HSPA12A: variants seen among roughly 807,000 people sequenced by gnomAD.
HSPA12A encodes the protein heat shock protein family A (Hsp70) member 12A, also known as heat shock 70 kDa protein 12A.
A neutral mutation model predicts 69.2 loss-of-function variants in HSPA12A; 28 were observed. That is an observed-to-expected ratio of 0.40 (90% CI 0.30 to 0.55). The LOEUF is 0.55. Among genes scored for constraint, HSPA12A ranks in the 20% least tolerant of loss-of-function variants. HSPA12A has a pLI of 0.38. For synonymous variants in HSPA12A, 345 were observed against 370.5 expected, an observed-to-expected ratio of 0.93 and a Z score of 0.79; for missense variants, 686 against 900.7, an observed-to-expected ratio of 0.76 and a Z score of 3.05.
rs1040437647 is a variant in HSPA12A, at chr10:116,710,272, G to A, written c.41-2987C>T. ...GCCATGTGTCCACATTTGCACAGAC[G>A]GTCCTGAAAGAAACCAAATGTCTAA... On this transcript the variant is annotated intron_variant, in intron 1 of 11. Coordinates refer to ENST00000369209, the MANE Select transcript of HSPA12A (RefSeq NM_025015.3). This position sits in a 1 kb window ranked among gnomAD's most constrained non-coding sequence, Gnocchi z 4.1. Among the ~76,000 whole-genome samples the A allele has an allele frequency of 1.3e-5, 2 of 152,202 alleles. No individual in the cohort carries two copies. Among genetic ancestry groups the A allele is most frequent in the Non-Finnish European group, 2.9e-5 (2 of 68,030 alleles).
intron 2 of HSPA12A, among the ~76,000 whole-genome samples, chr10:116,788,775 A>AT (rs1263414402): frequency 1.3e-5 from 2 of 152,224 alleles, no homozygotes; most frequent in Admixed American, 1.3e-4. Flanking sequence ...ATACCCACAG[A>AT]TAAACTCACA....
intron 3 of HSPA12A, 24 bp downstream of exon 3, chr10:116,705,127 G>A: frequency 6.8e-6 from 11 of 1,613,152 alleles, no homozygotes; most frequent in Non-Finnish European, 9.3e-6. Context: ...CCAGCCACGT[G>A]GCCCTCCCAC....
intron 1 of HSPA12A, among the ~76,000 whole-genome samples, chr10:116,838,009 T>C (rs1364149812): frequency 6.6e-6 from 1 of 152,046 alleles, no homozygotes; most frequent in Non-Finnish European, 1.5e-5. Flanking sequence ...CTAAATAAAA[T>C]ATGAAACTAA....
At chr10:116,773,493 G>C (rs781818641) in intron 2 of HSPA12A, among the ~76,000 whole-genome samples, 1 of 152,206 alleles carries the variant, frequency 6.6e-6, no homozygotes, top group African/African-American at 2.4e-5. Flanking sequence ...AGCGGGTTTC[G>C]AGAAGGTAAC....
Position 116,675,293 on chromosome 10 carries a change from T to A in HSPA12A, c.1516A>T (p.Ile506Phe), listed in dbSNP as rs1379154810. ...AAFGDQCRII[I>F]PQDVGLTILK... ...ATGGTGAGGCCCACGTCCTGGGGGA[T>A]GATGATCCGGCACTGGTCCCCAAAA... is the stretch of plus-strand genomic sequence containing the variant. The change falls in exon 12 of 12, where the codon ATC becomes TTC. Residue 506 changes from isoleucine (I) to phenylalanine (F), a missense_variant. Physicochemically the swap from Ile to Phe is conservative, Grantham distance 21. Coordinates refer to ENST00000369209, the MANE Select transcript of HSPA12A (RefSeq NM_025015.3). The surrounding 1 kb of genome is among the most constrained non-coding windows in gnomAD (Gnocchi z 5.2). 1.9e-6 allele frequency: 3 copies of A among 1,613,264 alleles called. No individual in the cohort carries two copies. Among genetic ancestry groups the A allele is most frequent in the Non-Finnish European group, 2.5e-6 (3 of 1,180,024 alleles).
intron 2 of HSPA12A, among the ~76,000 whole-genome samples, chr10:116,822,060 T>G (rs1845416439): frequency 6.6e-6 from 1 of 152,258 alleles, no homozygotes; most frequent in Non-Finnish European, 1.5e-5. Flanking sequence ...TACATCACTT[T>G]GTATAGAGCA....
At position 116,705,052 on chromosome 10, in the gene HSPA12A, G is replaced by T. The variant is rs533382967; in HGVS notation, c.254+99C>A. On this transcript the variant is annotated intron_variant, in intron 3 of 11. Coordinates refer to ENST00000369209, the MANE Select transcript of HSPA12A (RefSeq NM_025015.3). ...GAGCCAAGCTGGAACAGAATCCAGG[G>T]CCGTCTTCGTAAGTGCCAATCACTG... 9.2e-6 allele frequency: 13 copies of T among 1,420,460 alleles called. No individual in the cohort carries two copies. The African/African-American group carries it at 1.7e-4, about 18-fold the overall frequency. The allele number at this position is 1,420,460 out of a possible 1,614,324, so 88.0% of individuals were successfully genotyped here. A position where few individuals can be genotyped will look rare whatever the true frequency, so the allele number is the denominator to read the frequency against.
intron 1 of HSPA12A, among the ~76,000 whole-genome samples, chr10:116,846,148 C>T (rs1216149028): frequency 6.6e-6 from 1 of 152,090 alleles, no homozygotes; most frequent in East Asian, 1.9e-4. Context: ...CAGAAGCTGA[C>T]TGGGATGGTA....
chr10:116,727,752 G>GTTTTTTTTTTTTTTTTTTTGTTTTT (rs71859215), intron 1 of HSPA12A, among the ~76,000 whole-genome samples: 1 of 131,382 alleles, frequency 7.6e-6, no homozygotes, highest in Non-Finnish European at 1.6e-5. Context: ...ATGTAAGTGG[G>GTTTTTTTTTTTTTTTTTTTGTTTTT]TTTTTTTTTT....
upstream of HSPA12A, among the ~76,000 whole-genome samples, chr10:116,744,857 C>T (rs535498052): frequency 9.2e-5 from 14 of 152,308 alleles, no homozygotes; most frequent in South Asian, 6.2e-4. Context: ...AGGCTCAGCA[C>T]GCCACATCAA....
intron 2 of HSPA12A, among the ~76,000 whole-genome samples, chr10:116,761,727 A>G (rs1843978190): frequency 6.6e-6 from 1 of 152,134 alleles, no homozygotes; most frequent in South Asian, 2.1e-4. Flanking sequence ...TCCTTGATCT[A>G]AAACGTGAAG....
intron 2 of HSPA12A, among the ~76,000 whole-genome samples, chr10:116,778,836 G>A (rs549822052): frequency 2.0e-5 from 3 of 152,208 alleles, no homozygotes; most frequent in East Asian, 3.9e-4. Context: ...TCAGAAGGCT[G>A]AGGCAGGAGG....
At chr10:116,735,426 C>G (rs1665641) in intron 1 of HSPA12A, among the ~76,000 whole-genome samples, 105,010 of 152,024 alleles carry the variant, frequency 0.69, 36,848 homozygotes, top group Middle Eastern at 0.88. Context: ...TTCCCAGGAA[C>G]GCCTCAAGAG....
intron 2 of HSPA12A, among the ~76,000 whole-genome samples, chr10:116,764,312 A>G (rs1256122481): frequency 6.6e-6 from 1 of 152,250 alleles, no homozygotes; most frequent in Non-Finnish European, 1.5e-5. Flanking sequence ...GTGATTGCAA[A>G]ATAGTGGAAA....
intron 2 of HSPA12A, chr10:116,750,240 G>T: frequency 1.3e-6 from 1 of 789,526 alleles, no homozygotes; most frequent in Non-Finnish European, 2.2e-6. Context: ...AATAGGTCTG[G>T]CATGGGCAAG....
At chr10:116,688,465 A>C (rs1163573567) in intron 6 of HSPA12A, among the ~76,000 whole-genome samples, 1 of 152,084 alleles carries the variant, frequency 6.6e-6, no homozygotes, top group East Asian at 1.9e-4. Flanking sequence ...AGAAAACCAC[A>C]CTCCAGGGAG....
chr10:116,687,136 G>A (rs374387701), intron 6 of HSPA12A, among the ~76,000 whole-genome samples: 6 of 152,180 alleles, frequency 3.9e-5, no homozygotes, highest in Admixed American at 2.6e-4. Flanking sequence ...CACTGAGGCT[G>A]CCCCAAGTCT....
chr10:116,811,327 C>A (rs959835598), intron 2 of HSPA12A, among the ~76,000 whole-genome samples: 1 of 152,126 alleles, frequency 6.6e-6, no homozygotes, highest in Admixed American at 6.5e-5. Flanking sequence ...TCAAGGGCTT[C>A]ACATCCAATT....
chr10:116,786,194 G>A (rs1323410684), intron 2 of HSPA12A, among the ~76,000 whole-genome samples: 2 of 152,222 alleles, frequency 1.3e-5, no homozygotes, highest in Non-Finnish European at 2.9e-5. Context: ...ATGGAAGGCA[G>A]GGCTCCCAGG....
Sources: gnomAD v4.1 joint callset for allele counts (sites outside exome capture counted in the v4.1 genomes callset) on GRCh38, gnomAD v4.1.1 for gene constraint, Gnocchi (gnomAD v3.1) non-coding constraint, MANE v1.5 for transcripts, NCBI Gene and HGNC (gene_info 2026-07-23, HGNC 2026-07-21) for gene names.